Variants in ADD2 observed in about 807,000 individuals in gnomAD.
The protein encoded by ADD2 is beta-adducin.
ADD2 carries 23 observed loss-of-function variants against 83.0 expected under a neutral mutation model. The observed-to-expected ratio is 0.28, with a 90% confidence interval of 0.20 to 0.39. The LOEUF (loss-of-function observed/expected upper bound fraction) is 0.39. Ranked by LOEUF, ADD2 falls within the 10% of genes least tolerant of loss-of-function variation. The pLI is 1.00. For missense variants in ADD2, 758 were observed against 944.9 expected, an observed-to-expected ratio of 0.80 and a Z score of 2.59; for synonymous variants, 375 against 375.4, an observed-to-expected ratio of 1.00 and a Z score of 0.01.
intron 1 of ADD2, among the ~76,000 whole-genome samples, chr2:70,720,095 G>T (rs1037409461): frequency 3.9e-5 from 6 of 152,090 alleles, no homozygotes; most frequent in Admixed American, 2.0e-4. Context: ...GTTTTGTGGG[G>T]TTTTTTTTAC....
At chr2:70,734,544 G>A (rs1673431218) in intron 1 of ADD2, among the ~76,000 whole-genome samples, 1 of 152,192 alleles carries the variant, frequency 6.6e-6, no homozygotes, top group Non-Finnish European at 1.5e-5. Flanking sequence ...TGGAAGGAGG[G>A]AAGAGAAGAC....
At chr2:70,704,277 T>TCC in intron 4 of ADD2, 44 bp downstream of exon 4, 1 of 496,196 alleles carries the variant, frequency 2.0e-6, no homozygotes, top group Non-Finnish European at 3.2e-6. Flanking sequence ...CACCCCACCC[T>TCC]CCCCTCCACC....
intron 9 of ADD2, among the ~76,000 whole-genome samples, chr2:70,686,911 C>T (rs986925773): frequency 1.1e-4 from 17 of 152,218 alleles, no homozygotes; most frequent in African/African-American, 3.9e-4. Flanking sequence ...CCTCCACCAG[C>T]GACACTTCCA....
rs1022415446 is a variant in ADD2, at chr2:70,676,310, A to G, written c.1593+486T>C. On this transcript the variant is annotated intron_variant, in intron 13 of 15. Transcript: ENST00000264436. The surrounding 1 kb of genome is among the most constrained non-coding windows in gnomAD (Gnocchi z 4.8). ...TGTGTGGGTAATATTGTCCCTTCCCATCCTGTAGGAGCATGGGTCCTGTCT... is the reference window on the plus strand; with the variant it reads ...TGTGTGGGTAATATTGTCCCTTCCCGTCCTGTAGGAGCATGGGTCCTGTCT... 16 of 1,007,882 alleles carry G rather than the reference A, an allele frequency of 1.6e-5. No homozygotes were observed. The highest frequency in any genetic ancestry group is 1.8e-5 in the Non-Finnish European group (15 of 845,212). 62.4% of individuals were successfully genotyped at this position (1,007,882 alleles called of 1,614,324 possible). A position where few individuals can be genotyped will look rare whatever the true frequency, so the allele number is the denominator to read the frequency against.
At chr2:70,690,460 C>T (rs1466541187) in intron 8 of ADD2, among the ~76,000 whole-genome samples, 1 of 151,940 alleles carries the variant, frequency 6.6e-6, no homozygotes, top group East Asian at 1.9e-4. Flanking sequence ...CAACTATTCC[C>T]ATAATGAAGT....
In ADD2 at chr2:70,706,585, A is replaced by G. The variant is rs1170980706; in HGVS notation, c.-34-143T>C. 1.3e-6 allele frequency: 1 copy of G among 745,420 alleles called. No individual in the cohort carries two copies. The highest frequency in any genetic ancestry group is 2.1e-6 in the Non-Finnish European group (1 of 484,358). 46.2% of individuals were successfully genotyped at this position (745,420 alleles called of 1,614,324 possible). Reference sequence around the variant, plus strand: ...ATGGTAGAGGCAGAGCCTGGGGAGGAGGGCAGGACGCCAGCAGCGGCCCCA... The same window carrying G: ...ATGGTAGAGGCAGAGCCTGGGGAGGGGGGCAGGACGCCAGCAGCGGCCCCA... On this transcript the variant is annotated intron_variant, in intron 2 of 15. Coordinates refer to ENST00000264436, the MANE Select transcript of ADD2 (RefSeq NM_001617.4). This position sits in a 1 kb window ranked among gnomAD's most constrained non-coding sequence, Gnocchi z 5.0.
At chr2:70,759,178 A>T (rs1674954307) in intron 1 of ADD2, among the ~76,000 whole-genome samples, 1 of 152,150 alleles carries the variant, frequency 6.6e-6, no homozygotes, top group Non-Finnish European at 1.5e-5. Context: ...CATTAAATGG[A>T]GCACTGAAAT....
Position 70,704,330 on chromosome 2 carries a change from A to G in ADD2, c.313T>C (p.Ser105Pro). The G allele has an allele frequency of 6.3e-7, 1 of 1,590,004 alleles. No homozygotes were observed. Residue 105 changes from serine (S) to proline (P), a missense_variant, in exon 4 of 16, where the codon TCT becomes CCT. By Grantham distance (74) the Ser-to-Pro change is moderately conservative. This residue lies in a region of ADD2 where 175 missense variants were observed against 192.1 expected (regional missense o/e 0.91). Transcript: ENST00000264436. ...CCCAGACACCACATACTCATGGAAG[A>G]TGTCGGGAAGACTGCGTGGGAGGTG... ...ASTSHAVFPT[S>P]SMNVSMMTPI...
At chr2:70,684,646 A>G (rs782040308) in intron 9 of ADD2, among the ~76,000 whole-genome samples, 13 of 152,240 alleles carry the variant, frequency 8.5e-5, no homozygotes, top group Non-Finnish European at 1.8e-4. Context: ...CACAGGTCCA[A>G]AGGAAAAATA....
At chr2:70,704,263 T>TGGGCCCCCCCCCCCCCCCCCCCCCCC in intron 4 of ADD2, 58 bp downstream of exon 4, 10 of 913,228 alleles carry the variant, frequency 1.1e-5, no homozygotes, top group East Asian at 2.9e-5. Flanking sequence ...CTCCCTCTCT[T>TGGGCCCCCCCCCCCCCCCCCCCCCCC]CCCCACCCCA....
chr2:70,749,227 G>C lies in ADD2; in HGVS notation c.-154+18659C>G, dbSNP rs140454387. Among the ~76,000 whole-genome samples the C allele has an allele frequency of 9.3e-4, 142 of 152,184 alleles. No homozygotes were observed. The South Asian group carries it at 9.6e-3, about 10-fold the overall frequency. ...CTCATGAGAACTCACTCACTATCAG[G>C]AGAACAGCATGGGGGAAACCACCTC... is the stretch of plus-strand genomic sequence containing the variant. On this transcript the variant is annotated intron_variant, in intron 1 of 15. Coordinates refer to ENST00000264436, the MANE Select transcript of ADD2 (RefSeq NM_001617.4).
At chr2:70,664,314 C>G (rs1251169677) in intron 15 of ADD2, among the ~76,000 whole-genome samples, 2 of 152,140 alleles carry the variant, frequency 1.3e-5, no homozygotes, top group East Asian at 3.9e-4. Context: ...GGGGAAGACC[C>G]CTGGTCAGCC....
chr2:70,687,698 TA>T (rs1223641600), intron 9 of ADD2, among the ~76,000 whole-genome samples: 11 of 152,144 alleles, frequency 7.2e-5, no homozygotes, highest in Admixed American at 7.2e-4. Flanking sequence ...ATGAGCATGG[TA>T]AAAAATTTCT....
chr2:70,676,179 A>C lies in ADD2; in HGVS notation c.1593+617T>G. On this transcript the variant is annotated intron_variant, in intron 13 of 15. Coordinates refer to ENST00000264436, the MANE Select transcript of ADD2 (RefSeq NM_001617.4). This position sits in a 1 kb window ranked among gnomAD's most constrained non-coding sequence, Gnocchi z 4.8. ...GCAAGGAGCAGCAGTGATTTCAAAC[A>C]CATGCCAGAATTCTGAACTTCACCC... 2 of 985,680 alleles carry C rather than the reference A, an allele frequency of 2.0e-6. No homozygotes were observed. The highest frequency in any genetic ancestry group is 2.4e-6 in the Non-Finnish European group (2 of 830,094). The allele number at this position is 985,680 out of a possible 1,614,324, so 61.1% of individuals were successfully genotyped here. A position where few individuals can be genotyped will look rare whatever the true frequency, so the allele number is the denominator to read the frequency against.
chr2:70,689,480 A>AAG (rs1670917516), intron 8 of ADD2, among the ~76,000 whole-genome samples: 1 of 152,212 alleles, frequency 6.6e-6, no homozygotes, highest in African/African-American at 2.4e-5. Context: ...GAGAAACAGA[A>AAG]AGAGACGATG....
chr2:70,672,742 C>T (rs1553367322), intron 15 of ADD2, 136 bp downstream of exon 15: 3 of 979,544 alleles, frequency 3.1e-6, no homozygotes, highest in East Asian at 2.7e-5. Context: ...CTTGATAACC[C>T]CTATTTCTGA....
At chr2:70,730,536 G>A (rs1312016370) in intron 1 of ADD2, among the ~76,000 whole-genome samples, 3 of 152,236 alleles carry the variant, frequency 2.0e-5, no homozygotes, top group Non-Finnish European at 2.9e-5. Flanking sequence ...GGCATGAAGT[G>A]AGGCTGGCCT....
chr2:70,691,074 C>T (rs1198136282), intron 7 of ADD2, 145 bp from the exon 8 acceptor site: 24 of 970,412 alleles, frequency 2.5e-5, no homozygotes, highest in South Asian at 6.0e-5. Flanking sequence ...ACAAGAAAGG[C>T]CTGGGCTCCT....
chr2:70,667,293 A>T (rs573827541), intron 15 of ADD2, among the ~76,000 whole-genome samples: 1 of 152,200 alleles, frequency 6.6e-6, no homozygotes, highest in Admixed American at 6.5e-5. Flanking sequence ...GACAGGAGGC[A>T]ATGGGAGAAC....
Sources: gnomAD v4.1 joint callset for allele counts (sites outside exome capture counted in the v4.1 genomes callset) on GRCh38, gnomAD v4.1.1 for gene constraint, gnomAD v4.1.1 regional missense constraint, Gnocchi (gnomAD v3.1) non-coding constraint, MANE v1.5 for transcripts, NCBI Gene and HGNC (gene_info 2026-07-23, HGNC 2026-07-21) for gene names.